PPFIA2: variants seen among roughly 807,000 people sequenced by gnomAD.
PPFIA2 encodes the protein PPFI scaffold protein A2, also known as liprin-alpha-2.
A neutral mutation model predicts 175.5 loss-of-function variants in PPFIA2; 46 were observed. The observed-to-expected ratio is 0.26, with a 90% CI of 0.21 to 0.34. PPFIA2 has a LOEUF of 0.34. PPFIA2 is among the 10% of genes least tolerant of loss of function. The pLI is 1.00. For synonymous variants in PPFIA2, 568 were observed against 511.4 expected, an observed-to-expected ratio of 1.11 and a Z score of -1.49; for missense variants, 1,179 against 1,506.1, an observed-to-expected ratio of 0.78 and a Z score of 3.60.
intron 4 of PPFIA2, among the ~76,000 whole-genome samples, chr12:81,570,824 T>A (rs1483429289): frequency 1.3e-5 from 2 of 151,722 alleles, no homozygotes; most frequent in East Asian, 3.9e-4. Context: ...TCACCATGTC[T>A]ACCAGGAGAT....
chr12:81,628,836 C>T (rs1448567467), intron 4 of PPFIA2, among the ~76,000 whole-genome samples: 1 of 152,156 alleles, frequency 6.6e-6, no homozygotes, highest in East Asian at 1.9e-4. Flanking sequence ...GCTGCTGTTT[C>T]CTGGTCACAT....
chr12:81,459,235 G>T (rs2054110080), intron 4 of PPFIA2, among the ~76,000 whole-genome samples: 1 of 151,928 alleles, frequency 6.6e-6, no homozygotes, highest in African/African-American at 2.4e-5. Context: ...AATACTCTGA[G>T]CATATTATTT....
intron 4 of PPFIA2, among the ~76,000 whole-genome samples, chr12:81,491,814 T>C (rs2059447087): frequency 6.6e-6 from 1 of 152,018 alleles, no homozygotes; most frequent in South Asian, 2.1e-4. Context: ...AGTCTTTACC[T>C]ATAGCCCTAA....
At chr12:81,690,845 G>T (rs2075150302) in intron 3 of PPFIA2, among the ~76,000 whole-genome samples, 1 of 152,070 alleles carries the variant, frequency 6.6e-6, no homozygotes, top group African/African-American at 2.4e-5. Context: ...AAGGCTGCAT[G>T]CATTTTTTGG....
Position 81,374,737 on chromosome 12 carries a change from C to T in PPFIA2, c.1163G>A (p.Arg388His). 3 of 1,613,026 alleles carry T rather than the reference C, an allele frequency of 1.9e-6. No homozygotes were observed. The highest frequency in any genetic ancestry group is 1.3e-5 in the African/African-American group (1 of 74,968). ...MEEKNRQLQERLELAEQKLQQ... is the reference protein window; with the variant it reads ...MEEKNRQLQEHLELAEQKLQQ... ...CAACTTTTGTTCAGCTAGCTCAAGA[C>T]GTTCTTGTAACTGTCTGTTTTTCTC... Residue 388 changes from arginine to histidine, a missense_variant, in exon 11 of 33, where the codon CGT (arginine) becomes CAT (histidine). This residue lies in a region of PPFIA2 where 226 missense variants were observed against 216.6 expected (regional missense o/e 1.04). Coordinates refer to ENST00000549396, the MANE Select transcript of PPFIA2 (RefSeq NM_003625.5).
chr12:81,665,911 T>C (rs1329519516), intron 4 of PPFIA2, among the ~76,000 whole-genome samples: 1 of 151,850 alleles, frequency 6.6e-6, no homozygotes, highest in African/African-American at 2.4e-5. Context: ...CTCAAACAAA[T>C]TTACAAGAAA....
chr12:81,276,074 G>A (rs2040450607), intron 28 of PPFIA2, among the ~76,000 whole-genome samples: 1 of 152,116 alleles, frequency 6.6e-6, no homozygotes, highest in African/African-American at 2.4e-5. Context: ...GTGAGCCACA[G>A]CACCTGGCCT....
intron 4 of PPFIA2, among the ~76,000 whole-genome samples, chr12:81,627,238 G>A (rs1383622049): frequency 6.6e-6 from 1 of 152,072 alleles, no homozygotes; most frequent in African/African-American, 2.4e-5. Context: ...TAGGGTAACT[G>A]TGGTTAACAA....
chr12:81,473,943 G>A (rs2057127717), intron 4 of PPFIA2, among the ~76,000 whole-genome samples: 1 of 152,046 alleles, frequency 6.6e-6, no homozygotes, highest in Non-Finnish European at 1.5e-5. Context: ...AATGTTACCT[G>A]GGAAAATGGA....
Position 81,571,887 on chromosome 12 carries a change from T to C in PPFIA2, c.303+104904A>G, listed in dbSNP as rs148673197. 9.4e-4 allele frequency among the ~76,000 whole-genome samples: 143 copies of C among 152,248 alleles called. 1 individual carries two copies. The highest frequency in any genetic ancestry group is 1.6e-3 in the Admixed American group (24 of 15,272). On this transcript the variant is annotated intron_variant, in intron 4 of 32. Transcript: ENST00000549396. ...AGAATTGAATAAAAGAGAAATCCAG[T>C]GTATTCCATCTACTTCTTTCATATA...
Position 81,276,255 on chromosome 12 carries a change from T to G in PPFIA2, c.3310+1062A>C, listed in dbSNP as rs557592161. 2.6e-3 allele frequency among the ~76,000 whole-genome samples: 394 copies of G among 152,226 alleles called. 1 individual carries two copies. The highest frequency in any genetic ancestry group is 0.015 in the South Asian group (70 of 4,818). ...ACACAGAGTATGCAGTGATAGTCAT[T>G]GGAGTCTCAGAAGGGTGGGAGGCTG... On this transcript the variant is annotated intron_variant, in intron 28 of 32. Transcript: ENST00000549396.
At chr12:81,754,632 T>A (rs2084358688) in intron 2 of PPFIA2, among the ~76,000 whole-genome samples, 1 of 152,252 alleles carries the variant, frequency 6.6e-6, no homozygotes, top group South Asian at 2.1e-4. Flanking sequence ...GTTATTACTG[T>A]ATATTATTAA....
chr12:81,482,132 A>T (rs2058304369), intron 4 of PPFIA2, among the ~76,000 whole-genome samples: 1 of 152,220 alleles, frequency 6.6e-6, no homozygotes, highest in Admixed American at 6.5e-5. Flanking sequence ...CAAACATGAA[A>T]AAAAAAGCTC....
intron 21 of PPFIA2, among the ~76,000 whole-genome samples, chr12:81,336,458 TA>T (rs1228622416): frequency 6.6e-6 from 1 of 152,192 alleles, no homozygotes; most frequent in African/African-American, 2.4e-5. Flanking sequence ...ATCTGAAGTT[TA>T]TGTTATTACC....
Position 81,733,327 on chromosome 12 carries a change from C to T in PPFIA2, c.249+20646G>A, listed in dbSNP as rs371707943. Among the ~76,000 whole-genome samples, 51 of 151,512 alleles carry T rather than the reference C, an allele frequency of 3.4e-4. 1 individual carries two copies. The South Asian group carries it at 8.7e-3, about 26-fold the overall frequency. ...ATCTTAAATGCTTTAAGGAAGATTG[C>T]GTTTTAAAAGTACAATGGATGTAAA... On this transcript the variant is annotated intron_variant, in intron 3 of 32. Coordinates refer to ENST00000549396, the MANE Select transcript of PPFIA2 (RefSeq NM_003625.5).
At chr12:81,596,348 A>C (rs971937029) in intron 4 of PPFIA2, among the ~76,000 whole-genome samples, 4 of 152,124 alleles carry the variant, frequency 2.6e-5, no homozygotes, top group African/African-American at 9.6e-5. Context: ...AAACATCAAA[A>C]CTTAAACACA....
At position 81,362,749 on chromosome 12, in the gene PPFIA2, A is replaced by G; in HGVS notation, c.1581T>C (p.Ser527=). 1.9e-6 allele frequency: 3 copies of G among 1,546,682 alleles called. No individual in the cohort carries two copies. Among genetic ancestry groups the G allele is most frequent in the Non-Finnish European group, 8.7e-7 (1 of 1,143,202 alleles). ...TTCTCATTTTCAATTGGTCAAGTTCAGATCTCAGCTTTTCAATTTCTTCTG... is the reference window on the plus strand; with the variant it reads ...TTCTCATTTTCAATTGGTCAAGTTCGGATCTCAGCTTTTCAATTTCTTCTG... ...RLAEEIEKLR[S]ELDQLKMRTG... Residue 527 remains serine (S), a synonymous_variant, in exon 15 of 33, where the codon TCT becomes TCC. Transcript: ENST00000549396.
intron 7 of PPFIA2, among the ~76,000 whole-genome samples, chr12:81,410,877 A>C (rs961118068): frequency 6.6e-6 from 1 of 152,124 alleles, no homozygotes; most frequent in Non-Finnish European, 1.5e-5. Flanking sequence ...ATTCCTATTC[A>C]TGCAGAAAAC....
chr12:81,463,178 A>G (rs965790750), intron 4 of PPFIA2, among the ~76,000 whole-genome samples: 1 of 152,080 alleles, frequency 6.6e-6, no homozygotes, highest in Non-Finnish European at 1.5e-5. Flanking sequence ...AGATCTTTGT[A>G]CAGCAACATG....
Sources: gnomAD v4.1 joint callset for allele counts (sites outside exome capture counted in the v4.1 genomes callset) on GRCh38, gnomAD v4.1.1 for gene constraint, gnomAD v4.1.1 regional missense constraint, MANE v1.5 for transcripts, NCBI Gene and HGNC (gene_info 2026-07-23, HGNC 2026-07-21) for gene names.